PPP1R9A: variants seen among roughly 807,000 people sequenced by gnomAD.
PPP1R9A encodes the protein protein phosphatase 1 regulatory subunit 9A, also known as neurabin-1.
Under a neutral mutation model 141.9 loss-of-function variants are expected in PPP1R9A, and 59 were observed. The observed-to-expected ratio is 0.42, with a 90% confidence interval of 0.34 to 0.52. PPP1R9A has a LOEUF of 0.52. Among genes scored for constraint, PPP1R9A ranks in the 20% least tolerant of loss-of-function variants. The pLI is 0.10. For synonymous variants in PPP1R9A, 500 were observed against 569.7 expected, an observed-to-expected ratio of 0.88 and a Z score of 1.74; for missense variants, 1,444 against 1,611.9, an observed-to-expected ratio of 0.90 and a Z score of 1.78.
intron 2 of PPP1R9A, among the ~76,000 whole-genome samples, chr7:95,042,850 C>A (rs535124616): frequency 6.6e-6 from 1 of 151,950 alleles, no homozygotes; most frequent in East Asian, 1.9e-4. Context: ...TTGAAATAAA[C>A]AGAGTTTAGC....
In PPP1R9A at chr7:95,074,212, T is replaced by C. The variant is rs577197930; in HGVS notation, c.1396-37047T>C. Among the ~76,000 whole-genome samples the C allele has an allele frequency of 3.9e-5, 6 of 152,274 alleles. No homozygotes were observed. The East Asian group carries it at 7.7e-4, about 20-fold the overall frequency. ...TTAGTTATTGGCAAAATAGAGTCAT[T>C]GTATTTAGCCGTTACCTTTTTATGT... On this transcript the variant is annotated intron_variant, in intron 2 of 19. Coordinates refer to ENST00000433360, the MANE Select transcript of PPP1R9A (RefSeq NM_001166160.2).
chr7:95,292,338 C>G lies in PPP1R9A; in HGVS notation c.*2035C>G, dbSNP rs1210697762. The G allele has an allele frequency of 1.3e-5, 2 of 152,516 alleles. No individual in the cohort carries two copies. The highest frequency in any genetic ancestry group is 2.9e-5 in the Non-Finnish European group (2 of 68,010). The allele number at this position is 152,516 out of a possible 1,614,324, so 9.4% of individuals were successfully genotyped here. Reference sequence around the variant, plus strand: ...AAAAATCTGGTAATATTAGTGCTTGCTATTGTAAATTTTTGCCATTTTTGC... The same window carrying G: ...AAAAATCTGGTAATATTAGTGCTTGGTATTGTAAATTTTTGCCATTTTTGC... On this transcript the variant is annotated 3_prime_UTR_variant, in exon 20 of 20. Transcript: ENST00000433360.
chr7:94,962,204 C>T (rs1797715941), intron 2 of PPP1R9A, among the ~76,000 whole-genome samples: 1 of 151,870 alleles, frequency 6.6e-6, no homozygotes, highest in Non-Finnish European at 1.5e-5. Context: ...TGGTATGTTT[C>T]TGGGTAGTTT....
intron 2 of PPP1R9A, among the ~76,000 whole-genome samples, chr7:94,953,356 C>G (rs992077951): frequency 6.6e-6 from 1 of 152,148 alleles, no homozygotes; most frequent in Non-Finnish European, 1.5e-5. Context: ...GTTTTAGTTA[C>G]TGTAGCCTTG....
intron 2 of PPP1R9A, among the ~76,000 whole-genome samples, chr7:94,948,173 A>G (rs1776481031): frequency 6.6e-6 from 1 of 152,072 alleles, no homozygotes; most frequent in Non-Finnish European, 1.5e-5. Context: ...ATATATTATA[A>G]TAAGTAATGA....
intron 6 of PPP1R9A, among the ~76,000 whole-genome samples, chr7:95,199,123 C>T (rs1435238197): frequency 6.6e-6 from 1 of 152,106 alleles, no homozygotes; most frequent in African/African-American, 2.4e-5. Flanking sequence ...AGAAGCTAAC[C>T]CCCAAGTGAA....
chr7:94,994,248 G>GTCT (rs1801877243), intron 2 of PPP1R9A, among the ~76,000 whole-genome samples: 2 of 152,202 alleles, frequency 1.3e-5, no homozygotes, highest in South Asian at 4.1e-4. Context: ...ATTCTTCTGT[G>GTCT]TCTTCATTCC....
At chr7:95,093,028 C>T (rs1817562090) in intron 2 of PPP1R9A, among the ~76,000 whole-genome samples, 1 of 152,134 alleles carries the variant, frequency 6.6e-6, no homozygotes, top group South Asian at 2.1e-4. Context: ...TATTTACCTT[C>T]CCGATATCAA....
intron 5 of PPP1R9A, among the ~76,000 whole-genome samples, chr7:95,190,958 G>A (rs1835410106): frequency 6.6e-6 from 1 of 152,132 alleles, no homozygotes; most frequent in East Asian, 1.9e-4. Context: ...CATTGAATAA[G>A]TGCCATTTTT....
At chr7:95,284,754 A>G (rs1056941425) in intron 17 of PPP1R9A, among the ~76,000 whole-genome samples, 2 of 152,236 alleles carry the variant, frequency 1.3e-5, no homozygotes, top group African/African-American at 4.8e-5. Context: ...GTATAATTCT[A>G]TCACCAAAGT....
chr7:95,287,158 G>T, intron 18 of PPP1R9A: 1 of 1,611,036 alleles, frequency 6.2e-7, no homozygotes, highest in Admixed American at 1.7e-5. Context: ...GGCTGTGTGT[G>T]GTGGCTTGTG....
intron 2 of PPP1R9A, among the ~76,000 whole-genome samples, chr7:94,962,698 TC>T (rs1444741170): frequency 6.6e-6 from 1 of 152,072 alleles, no homozygotes; most frequent in Non-Finnish European, 1.5e-5. Context: ...GTATGTGTAA[TC>T]TAAAAAAAAT....
At chr7:95,089,502 T>C (rs183633027) in intron 2 of PPP1R9A, among the ~76,000 whole-genome samples, 4 of 152,180 alleles carry the variant, frequency 2.6e-5, no homozygotes, top group Admixed American at 6.5e-5. Flanking sequence ...AGACCAGATA[T>C]GGCAAATACG....
chr7:94,919,905 G>A (rs1792576238), intron 2 of PPP1R9A, among the ~76,000 whole-genome samples: 1 of 152,080 alleles, frequency 6.6e-6, no homozygotes, highest in South Asian at 2.1e-4. Flanking sequence ...TTTCTTACCT[G>A]TAATTGAGGC....
At chr7:95,164,980 C>T (rs1226565999) in intron 5 of PPP1R9A, among the ~76,000 whole-genome samples, 1 of 151,838 alleles carries the variant, frequency 6.6e-6, no homozygotes. Context: ...CCTGCTTTGC[C>T]CCCTTCCCCC....
chr7:95,294,683 T>C lies in PPP1R9A; in HGVS notation c.*4380T>C, dbSNP rs1806858496. The C allele has an allele frequency of 6.6e-6, 1 of 152,134 alleles. No homozygotes were observed. Among genetic ancestry groups the C allele is most frequent in the Admixed American group, 6.5e-5 (1 of 15,268 alleles). The allele number at this position is 152,134 out of a possible 1,614,324, so 9.4% of individuals were successfully genotyped here. ...AAAAAATAACACCAGACAAAACACA[T>C]TTGAGTAACTTGAAGTAGCAGCATA... is the stretch of plus-strand genomic sequence containing the variant. On this transcript the variant is annotated 3_prime_UTR_variant, in exon 20 of 20. Coordinates refer to ENST00000433360, the MANE Select transcript of PPP1R9A (RefSeq NM_001166160.2).
At chr7:95,074,222 C>T (rs771472534) in intron 2 of PPP1R9A, among the ~76,000 whole-genome samples, 16 of 151,970 alleles carry the variant, frequency 1.1e-4, no homozygotes, top group Admixed American at 7.9e-4. Context: ...TGTATTTAGC[C>T]GTTACCTTTT....
intron 5 of PPP1R9A, among the ~76,000 whole-genome samples, chr7:95,178,770 A>G (rs570371418): frequency 6.6e-6 from 1 of 152,158 alleles, no homozygotes; most frequent in Non-Finnish European, 1.5e-5. Flanking sequence ...TACACTAGAA[A>G]ACCTAGAAGA....
chr7:95,046,766 G>A (rs1052301474), intron 2 of PPP1R9A, among the ~76,000 whole-genome samples: 4 of 152,150 alleles, frequency 2.6e-5, no homozygotes, highest in African/African-American at 9.7e-5. Context: ...TCTAAACAAT[G>A]CGTTATCTTT....
Sources: allele counts gnomAD v4.1 joint callset (sites outside exome capture counted in the v4.1 genomes callset), GRCh38; gene constraint gnomAD v4.1.1; transcripts MANE v1.5; gene names NCBI Gene and HGNC (gene_info 2026-07-23, HGNC 2026-07-21).